TRIM66: variants seen among roughly 807,000 people sequenced by gnomAD.
TRIM66 encodes tripartite motif containing 66, also known as tripartite motif-containing protein 66.
In TRIM66, 99 loss-of-function variants were observed where a neutral mutation model predicts 148.2. That is an observed-to-expected ratio of 0.67 (90% CI 0.57 to 0.79). The LOEUF (loss-of-function observed/expected upper bound fraction) is 0.79. Among genes scored for constraint, TRIM66 ranks in the 30% least tolerant of loss-of-function variants. TRIM66 has a pLI of 0.00. For synonymous variants in TRIM66, 616 were observed against 635.9 expected, an observed-to-expected ratio of 0.97 and a Z score of 0.47; for missense variants, 1,666 against 1,697.9, an observed-to-expected ratio of 0.98 and a Z score of 0.33.
At chr11:8,648,719 C>G (rs2037083752) in intron 8 of TRIM66, among the ~76,000 whole-genome samples, 171 bp from the exon 9 acceptor site, 1 of 152,194 alleles carries the variant, frequency 6.6e-6, no homozygotes, top group African/African-American at 2.4e-5. Flanking sequence ...GGATTTTGGG[C>G]TGAGCTTGGC....
At chr11:8,682,928 C>A, upstream of TRIM66, 1 of 1,390,916 alleles carries the variant, frequency 7.2e-7, no homozygotes, top group Non-Finnish European at 9.8e-7. Flanking sequence ...CCAGGCTGCG[C>A]ATGGCCGCCT....
intron 20 of TRIM66, 48 bp downstream of exon 20, chr11:8,620,984 A>G: frequency 6.6e-7 from 1 of 1,524,074 alleles, no homozygotes; most frequent in Non-Finnish European, 8.8e-7. Flanking sequence ...TCATCCCTGG[A>G]AGGTAACCCT....
chr11:8,679,266 T>C (rs1362398229), intron 3 of TRIM66: 3 of 152,232 alleles, frequency 2.0e-5, no homozygotes, highest in African/African-American at 4.8e-5. Context: ...GTTTAAGTCA[T>C]GTGGTTGCCT....
chr11:8,635,618 A>G (rs922389692), intron 15 of TRIM66, among the ~76,000 whole-genome samples: 2 of 152,194 alleles, frequency 1.3e-5, no homozygotes, highest in African/African-American at 4.8e-5. Context: ...TGGGAGTTCA[A>G]GCCATCAAAA....
At chr11:8,618,194 C>A (rs2033855927) in intron 24 of TRIM66, among the ~76,000 whole-genome samples, 191 bp from the exon 25 acceptor site, 1 of 152,192 alleles carries the variant, frequency 6.6e-6, no homozygotes, top group African/African-American at 2.4e-5. Context: ...GATGGCTGGC[C>A]AGACCCTGGC....
intron 4 of TRIM66, among the ~76,000 whole-genome samples, chr11:8,672,820 A>G (rs2039002526): frequency 6.6e-6 from 1 of 151,984 alleles, no homozygotes; most frequent in African/African-American, 2.4e-5. Flanking sequence ...TTTAGTAGAC[A>G]GAGTTTCACC....
chr11:8,620,888 A>G, intron 20 of TRIM66, 144 bp downstream of exon 20: 2 of 1,148,174 alleles, frequency 1.7e-6, no homozygotes, highest in Non-Finnish European at 2.4e-6. Context: ...ACCCAGGCCC[A>G]TTAACTCACA....
intron 6 of TRIM66, among the ~76,000 whole-genome samples, chr11:8,667,375 A>C (rs12364516): frequency 0.016 from 2,383 of 152,298 alleles, 22 homozygotes; most frequent in East Asian, 0.048. Context: ...AAAATTTAAA[A>C]CTTTGTGCAT....
intron 6 of TRIM66, chr11:8,654,418 A>C (rs548089230): frequency 6.6e-6 from 1 of 152,244 alleles, no homozygotes; most frequent in African/African-American, 2.4e-5. Flanking sequence ...ATAAACTCCT[A>C]TTCATCCTTT....
intron 4 of TRIM66, among the ~76,000 whole-genome samples, chr11:8,673,738 T>C (rs2039052956): frequency 6.6e-6 from 1 of 152,254 alleles, no homozygotes; most frequent in East Asian, 1.9e-4. Flanking sequence ...GTAAACTATA[T>C]TCAGTTTTAT....
intron 1 of TRIM66, among the ~76,000 whole-genome samples, chr11:8,680,330 G>T (rs193169577): frequency 2.0e-5 from 3 of 152,172 alleles, no homozygotes; most frequent in African/African-American, 7.2e-5. Context: ...TCATGTTTTC[G>T]GAATACTAAC....
At chr11:8,640,117 C>G (rs1165248551) in intron 14 of TRIM66, 110 bp downstream of exon 14, 1 of 1,124,286 alleles carries the variant, frequency 8.9e-7, no homozygotes, top group African/African-American at 1.6e-5. Context: ...CAAGGCAGCC[C>G]TAAGGTGCAG....
intron 6 of TRIM66, among the ~76,000 whole-genome samples, chr11:8,656,188 C>G (rs1029780307): frequency 6.6e-6 from 1 of 152,170 alleles, no homozygotes; most frequent in Non-Finnish European, 1.5e-5. Flanking sequence ...GATATCAAAA[C>G]AAAGTTTTAC....
chr11:8,624,186 A>G (rs2034581166), intron 17 of TRIM66, among the ~76,000 whole-genome samples, 173 bp downstream of exon 17: 1 of 152,238 alleles, frequency 6.6e-6, no homozygotes, highest in Admixed American at 6.5e-5. Context: ...CAGTGAGGGA[A>G]GCAGAACAGG....
At chr11:8,678,422 T>C (rs1284462366) in intron 3 of TRIM66, among the ~76,000 whole-genome samples, 1 of 152,248 alleles carries the variant, frequency 6.6e-6, no homozygotes, top group Non-Finnish European at 1.5e-5. Flanking sequence ...TTGTATACTA[T>C]GATCACTAAC....
chr11:8,653,141 G>C (rs917111628), intron 6 of TRIM66, among the ~76,000 whole-genome samples: 3 of 152,176 alleles, frequency 2.0e-5, no homozygotes, highest in Non-Finnish European at 4.4e-5. Flanking sequence ...AAGTTAGTTT[G>C]AGTGGTAGAT....
Position 8,682,612 on chromosome 11 carries a change from A to T in TRIM66, c.-559T>A. 3.2e-6 allele frequency: 2 copies of T among 632,944 alleles called. No homozygotes were observed. The highest frequency in any genetic ancestry group is 1.8e-5 in the South Asian group (1 of 55,564). 39.2% of individuals were successfully genotyped at this position (632,944 alleles called of 1,614,324 possible). ...ACAACGAGCCTCACCGAAACCGTAC[A>T]CCGCCACCAGGACACTCCGTGATGG... On this transcript the variant is annotated 5_prime_UTR_variant, in exon 1 of 25. Transcript: ENST00000646038.
intron 23 of TRIM66, 121 bp from the exon 24 acceptor site, chr11:8,619,089 G>T: frequency 1.1e-6 from 1 of 931,874 alleles, no homozygotes; most frequent in Non-Finnish European, 1.6e-6. Context: ...TCTGGAACTT[G>T]ACATTTTTCT....
rs765106512 is a variant in TRIM66 at position 8,672,102 on chromosome 11, T to C, written c.28-4A>G. ...TAGAGCGAGCCAGCTCCACTCCCTG[T>C]AAGTGAAGCACAAAGCAGAGTGATC... On this transcript the variant is annotated splice_region_variant and splice_polypyrimidine_tract_variant and intron_variant, in intron 5 of 24. Transcript: ENST00000646038. 90 of 1,531,192 alleles carry C rather than the reference T, an allele frequency of 5.9e-5. No individual in the cohort carries two copies. The South Asian group carries it at 9.5e-4, about 16-fold the overall frequency. The allele number at this position is 1,531,192 out of a possible 1,614,324, so 94.9% of individuals were successfully genotyped here.
Sources: allele counts gnomAD v4.1 joint callset (sites outside exome capture counted in the v4.1 genomes callset), GRCh38; gene constraint gnomAD v4.1.1; transcripts MANE v1.5; gene names NCBI Gene and HGNC (gene_info 2026-07-23, HGNC 2026-07-21).